UTRN: variants seen among roughly 807,000 people sequenced by gnomAD.
UTRN encodes the protein utrophin, also known as dystrophin-related protein 1.
UTRN carries 283 observed loss-of-function variants against 463.9 expected under a neutral mutation model. The observed-to-expected ratio is 0.61, with a 90% CI of 0.55 to 0.67. The LOEUF (loss-of-function observed/expected upper bound fraction) is 0.67. Among genes scored for constraint, UTRN ranks in the 30% least tolerant of loss-of-function variants. The pLI is 0.00. For missense variants in UTRN, 3,922 were observed against 4,084.3 expected (o/e 0.96, Z 1.08); for synonymous variants, 1,442 against 1,431.5 (o/e 1.01, Z -0.17).
intron 52 of UTRN, among the ~76,000 whole-genome samples, chr6:144,697,123 G>A (rs1158411709): frequency 2.6e-5 from 4 of 152,058 alleles, no homozygotes; most frequent in Admixed American, 2.0e-4. Flanking sequence ...AGTAACTTGC[G>A]TAAAAGATAT....
At chr6:144,666,621 T>C (rs979798494) in intron 51 of UTRN, among the ~76,000 whole-genome samples, 1 of 152,256 alleles carries the variant, frequency 6.6e-6, no homozygotes, top group Non-Finnish European at 1.5e-5. Flanking sequence ...GCAAAGTTAA[T>C]ATGCCACCAA....
At chr6:144,461,985 T>A (rs1441955340) in intron 22 of UTRN, among the ~76,000 whole-genome samples, 1 of 152,144 alleles carries the variant, frequency 6.6e-6, no homozygotes, top group Non-Finnish European at 1.5e-5. Flanking sequence ...GGTAAACGTG[T>A]GTCATGGTAG....
chr6:144,787,797 G>A (rs1406268935), intron 61 of UTRN, among the ~76,000 whole-genome samples: 1 of 152,088 alleles, frequency 6.6e-6, no homozygotes, highest in Non-Finnish European at 1.5e-5. Context: ...ATATATTTAT[G>A]TAAACTTTTA....
intron 30 of UTRN, 124 bp downstream of exon 30, chr6:144,488,958 TAC>T: frequency 2.1e-6 from 2 of 934,046 alleles, no homozygotes; most frequent in Non-Finnish European, 1.5e-6. Flanking sequence ...TGACCTTACT[TAC>T]AGGGCAGCAT....
intron 73 of UTRN, among the ~76,000 whole-genome samples, chr6:144,841,311 T>G (rs937803452): frequency 1.3e-5 from 2 of 152,232 alleles, no homozygotes; most frequent in African/African-American, 4.8e-5. Flanking sequence ...TTTCCCTTTT[T>G]ATTCCCGCTG....
chr6:144,302,462 A>G (rs1392220346), intron 2 of UTRN, among the ~76,000 whole-genome samples: 1 of 147,628 alleles, frequency 6.8e-6, no homozygotes, highest in Non-Finnish European at 1.5e-5. Flanking sequence ...GTGAGACGAG[A>G]TTGTGCCAAT....
chr6:144,834,875 T>C (rs1163462458), intron 69 of UTRN, among the ~76,000 whole-genome samples: 1 of 152,218 alleles, frequency 6.6e-6, no homozygotes, highest in African/African-American at 2.4e-5. Flanking sequence ...GTTTTCCTGC[T>C]GCCCTATCCT....
intron 51 of UTRN, among the ~76,000 whole-genome samples, chr6:144,603,500 T>C (rs1804490158): frequency 6.6e-6 from 1 of 152,230 alleles, no homozygotes; most frequent in African/African-American, 2.4e-5. Flanking sequence ...TTTTGTTATA[T>C]TTATTGACCC....
chr6:144,816,264 A>G (rs555686835), intron 65 of UTRN, among the ~76,000 whole-genome samples: 1 of 152,370 alleles, frequency 6.6e-6, no homozygotes, highest in African/African-American at 2.4e-5. Flanking sequence ...GTGATTTAAA[A>G]TATGTCAGAT....
At chr6:144,589,627 T>C (rs1802806335) in intron 51 of UTRN, among the ~76,000 whole-genome samples, 2 of 152,136 alleles carry the variant, frequency 1.3e-5, no homozygotes, top group African/African-American at 4.8e-5. Context: ...AACTAAGTAA[T>C]AGATATTGTT....
intron 58 of UTRN, among the ~76,000 whole-genome samples, chr6:144,762,679 G>A (rs1356118173): frequency 6.6e-6 from 1 of 152,102 alleles, no homozygotes; most frequent in Non-Finnish European, 1.5e-5. Flanking sequence ...ACTCTGAGGT[G>A]GGGAAACACA....
intron 28 of UTRN, among the ~76,000 whole-genome samples, chr6:144,487,116 G>A (rs1792535251): frequency 6.6e-6 from 1 of 151,908 alleles, no homozygotes; most frequent in Non-Finnish European, 1.5e-5. Flanking sequence ...TTTGAACTTT[G>A]TGTCATGAGC....
chr6:144,373,543 T>A (rs374740979), intron 2 of UTRN, among the ~76,000 whole-genome samples: 2 of 152,226 alleles, frequency 1.3e-5, no homozygotes, highest in African/African-American at 4.8e-5. Context: ...GAGTAACTGC[T>A]AATGGGTTTC....
At chr6:144,440,530 A>G in intron 13 of UTRN, 59 bp downstream of exon 13, 2 of 1,605,746 alleles carry the variant, frequency 1.2e-6, no homozygotes, top group Non-Finnish European at 8.5e-7. Flanking sequence ...ACCCAATTAC[A>G]TATTGCCCTT....
intron 40 of UTRN, among the ~76,000 whole-genome samples, chr6:144,522,780 T>A (rs933444801): frequency 2.0e-5 from 3 of 152,158 alleles, no homozygotes; most frequent in Non-Finnish European, 4.4e-5. Flanking sequence ...GTACAAATGC[T>A]ACTATTGTGA....
chr6:144,775,597 T>G (rs1182285460), intron 60 of UTRN, among the ~76,000 whole-genome samples: 1 of 152,190 alleles, frequency 6.6e-6, no homozygotes, highest in Non-Finnish European at 1.5e-5. Flanking sequence ...AAGGGATGTT[T>G]GGTCTGCGCA....
At chr6:144,386,451 T>G (rs1781429801) in intron 2 of UTRN, among the ~76,000 whole-genome samples, 1 of 152,194 alleles carries the variant, frequency 6.6e-6, no homozygotes, top group South Asian at 2.1e-4. Flanking sequence ...AGAGTGAGAC[T>G]CTGTCTCAAA....
intron 2 of UTRN, among the ~76,000 whole-genome samples, chr6:144,387,205 C>A (rs554172783): frequency 6.6e-6 from 1 of 152,216 alleles, no homozygotes; most frequent in African/African-American, 2.4e-5. Context: ...TGCAGCGGCG[C>A]GATCTTGGCT....
intron 51 of UTRN, among the ~76,000 whole-genome samples, chr6:144,581,732 T>C (rs765540196): frequency 1.3e-4 from 20 of 152,180 alleles, no homozygotes; most frequent in Non-Finnish European, 2.4e-4. Context: ...TCATTTAAAT[T>C]TTACAATTCA....
Sources: allele counts gnomAD v4.1 joint callset (sites outside exome capture counted in the v4.1 genomes callset), GRCh38; gene constraint gnomAD v4.1.1; transcripts MANE v1.5; gene names NCBI Gene and HGNC (gene_info 2026-07-23, HGNC 2026-07-21).